The following NLRC5 variants were observed in gnomAD, a reference collection of about 807,000 sequenced individuals.
NLRC5 encodes protein NLRC5.
Under a neutral mutation model 206.9 loss-of-function variants are expected in NLRC5, and 114 were observed. The ratio of observed to expected loss-of-function variants is 0.55; its 90% CI spans 0.47 to 0.64. The LOEUF (loss-of-function observed/expected upper bound fraction) is 0.64, where lower values mean the gene tolerates loss of function less well. Ranked by LOEUF, NLRC5 falls within the 30% of genes least tolerant of loss-of-function variation. The pLI is 0.00. For synonymous variants in NLRC5, 952 were observed against 962.8 expected (o/e 0.99, Z 0.21); for missense variants, 2,008 against 2,305.5 (o/e 0.87, Z 2.64).
chr16:57,037,362 G>A (rs2062731200), intron 15 of NLRC5, 78 bp downstream of exon 15: 2 of 1,369,714 alleles, frequency 1.5e-6, no homozygotes, highest in African/African-American at 2.9e-5. Flanking sequence ...TTCCTTCTGG[G>A]CCCAGGCCTT....
chr16:57,061,875 C>T, intron 32 of NLRC5, 174 bp downstream of exon 32: 1 of 1,535,098 alleles, frequency 6.5e-7, no homozygotes, highest in Non-Finnish European at 8.7e-7. Context: ...CCACAAGGCA[C>T]ACAGAGAAAC....
Position 57,026,605 on chromosome 16 carries a change from A to G in NLRC5, c.1662A>G (p.Arg554=). Residue 554 remains arginine, a synonymous_variant, in exon 6 of 49, where the codon AGA becomes AGG. Transcript: ENST00000688547. ...GCTGGGTACAGCGGACCAAAGCTAG[A>G]CTGGGCCTCTCAGACCACCTCCCCA... The part of the protein sequence containing the change: ...HSRWVQRTKA[R]LGLSDHLPTF... The G allele has an allele frequency of 6.2e-7, 1 of 1,614,176 alleles. No homozygotes were observed. Among genetic ancestry groups the G allele is most frequent in the Middle Eastern group, 1.6e-4 (1 of 6,062 alleles).
intron 1 of NLRC5, among the ~76,000 whole-genome samples, chr16:57,014,284 T>C (rs1350932839): frequency 6.6e-6 from 1 of 152,244 alleles, no homozygotes; most frequent in Non-Finnish European, 1.5e-5. Context: ...TAAATGAGTG[T>C]GAGGCTCACT....
chr16:57,051,895 T>C lies in NLRC5; in HGVS notation c.3506+274T>C, dbSNP rs76295206. On this transcript the variant is annotated intron_variant, in intron 24 of 48. Coordinates refer to ENST00000688547, the MANE Select transcript of NLRC5 (RefSeq NM_001384950.1). ...CGTCTCAGTTTCCTCATCTGACAAATGGGATTAATATTCCCCGCCCATTCC... is the reference window on the plus strand; with the variant it reads ...CGTCTCAGTTTCCTCATCTGACAAACGGGATTAATATTCCCCGCCCATTCC... Among the ~76,000 whole-genome samples the C allele has an allele frequency of 2.7e-3, 414 of 152,242 alleles. 2 individuals are homozygous for C. Among genetic ancestry groups the C allele is most frequent in the Non-Finnish European group, 3.9e-3 (263 of 68,032 alleles).
At position 57,075,344 on chromosome 16, in the gene NLRC5, C is replaced by T. The variant is rs1201353008; in HGVS notation, c.4751+661C>T. The stretch of plus-strand genomic sequence containing the variant: ...AAGCGATTCTCCTGCCTCAGCCTCC[C>T]GAGTAGCCGGGATTATAGGCATGTG... On this transcript the variant is annotated intron_variant, in intron 39 of 48. Coordinates refer to ENST00000688547, the MANE Select transcript of NLRC5 (RefSeq NM_001384950.1). Among the ~76,000 whole-genome samples the T allele has an allele frequency of 2.0e-5, 3 of 152,190 alleles. 1 individual carries two copies. The highest frequency in any genetic ancestry group is 4.1e-4 in the South Asian group (2 of 4,828).
chr16:57,081,438 C>A, intron 47 of NLRC5, 89 bp from the exon 48 acceptor site: 1 of 1,271,888 alleles, frequency 7.9e-7, no homozygotes, highest in Non-Finnish European at 1.1e-6. Context: ...GTCCCCTGAC[C>A]TTGGCCTGAG....
At chr16:57,012,499 G>A (rs1368220535) in intron 1 of NLRC5, among the ~76,000 whole-genome samples, 1 of 152,220 alleles carries the variant, frequency 6.6e-6, no homozygotes, top group African/African-American at 2.4e-5. Flanking sequence ...ACAGCAGGTG[G>A]TGAGCGGCCA....
chr16:57,073,180 T>C (rs2067982658), intron 38 of NLRC5, among the ~76,000 whole-genome samples: 1 of 152,206 alleles, frequency 6.6e-6, no homozygotes, highest in Admixed American at 6.5e-5. Flanking sequence ...GGGGCCTTTT[T>C]CTTCCTCCTG....
chr16:57,076,894 G>A lies in NLRC5; in HGVS notation c.4827G>A (p.Glu1609=), dbSNP rs763428625. 5.0e-6 allele frequency: 8 copies of A among 1,613,830 alleles called. No homozygotes were observed. The highest frequency in any genetic ancestry group is 2.2e-5 in the South Asian group (2 of 91,078). The part of the protein sequence containing the change: ...SEALRAATSL[E]ELDLSHNQIG... Reference sequence around the variant, plus strand: ...CTCTCAGGGCTGCCACCAGCCTAGAGGAGCTGGAGTGAGTTGCCCATTCTG... The same window carrying A: ...CTCTCAGGGCTGCCACCAGCCTAGAAGAGCTGGAGTGAGTTGCCCATTCTG... The change falls in exon 40 of 49, where the codon GAG becomes GAA. Residue 1609 remains glutamate, a synonymous_variant. Coordinates refer to ENST00000688547, the MANE Select transcript of NLRC5 (RefSeq NM_001384950.1).
rs776987424 is a variant in NLRC5 at position 57,077,934 on chromosome 16, C to T, written c.5004-9C>T. On this transcript the variant is annotated splice_polypyrimidine_tract_variant and intron_variant, in intron 42 of 48. Coordinates refer to ENST00000688547, the MANE Select transcript of NLRC5 (RefSeq NM_001384950.1). ...CCAGTACTCAATGCTCATTCCTCTC[C>T]TCTTCCAGGCTTGGCTGCAATGCCC... is the stretch of plus-strand genomic sequence containing the variant. 2.5e-6 allele frequency: 4 copies of T among 1,613,268 alleles called. No homozygotes were observed. The highest frequency in any genetic ancestry group is 2.2e-5 in the East Asian group (1 of 44,864).
At chr16:57,053,761 T>C (rs1028212940) in intron 24 of NLRC5, among the ~76,000 whole-genome samples, 2 of 152,114 alleles carry the variant, frequency 1.3e-5, no homozygotes, top group Non-Finnish European at 2.9e-5. Flanking sequence ...ACTCCCGACC[T>C]CAAGTGATCC....
At chr16:57,051,713 CA>C (rs1361400629) in intron 24 of NLRC5, 92 bp downstream of exon 24, 6 of 968,856 alleles carry the variant, frequency 6.2e-6, no homozygotes, top group Non-Finnish European at 1.0e-5. Context: ...TCTAACCCCT[CA>C]ACCCCCCGCC....
intron 4 of NLRC5, 102 bp from the exon 5 acceptor site, chr16:57,023,683 C>A: frequency 1.1e-6 from 1 of 940,820 alleles, no homozygotes; most frequent in East Asian, 2.7e-5. Flanking sequence ...TACTTGGCTG[C>A]CTGCCACCTG....
At chr16:57,007,240 C>G (rs2059015737) in intron 1 of NLRC5, among the ~76,000 whole-genome samples, 1 of 152,184 alleles carries the variant, frequency 6.6e-6, no homozygotes, top group South Asian at 2.1e-4. Flanking sequence ...AATACACACA[C>G]ATTTAAAATA....
At chr16:57,059,376 C>T (rs1043444159) in intron 29 of NLRC5, 91 bp from the exon 30 acceptor site, 18 of 1,532,234 alleles carry the variant, frequency 1.2e-5, no homozygotes, top group African/African-American at 6.9e-5. Context: ...GGTGCAGCCC[C>T]GCTTCCCTCT....
chr16:57,039,749 C>G (rs1185418255), intron 15 of NLRC5, 32 bp from the exon 16 acceptor site: 1 of 1,599,078 alleles, frequency 6.3e-7, no homozygotes, highest in Admixed American at 1.7e-5. Context: ...CCAATAACCT[C>G]TCGCTTCCTC....
rs779353166 is a variant in NLRC5 at position 57,077,322 on chromosome 16, C to T, written c.4862C>T (p.Ala1621Val). ...TTGAGCCACAACCAGATTGGAGACG[C>T]TGGTGTCCAGCACTTAGCTACCATC... ...LDLSHNQIGD[A>V]GVQHLATILP... The change falls in exon 41 of 49, where the codon GCT becomes GTT. Residue 1621 changes from alanine to valine, a missense_variant. Transcript: ENST00000688547. The T allele has an allele frequency of 1.1e-5, 18 of 1,613,970 alleles. No homozygotes were observed. The highest frequency in any genetic ancestry group is 8.5e-7 in the Non-Finnish European group (1 of 1,179,986).
At chr16:57,054,193 G>A (rs1391769466) in intron 24 of NLRC5, among the ~76,000 whole-genome samples, 1 of 152,104 alleles carries the variant, frequency 6.6e-6, no homozygotes, top group Non-Finnish European at 1.5e-5. Context: ...CGGGTGAGGG[G>A]TGCTGCTACT....
rs1206814622 is a variant in NLRC5, at chr16:57,036,116, C to T, written c.2644C>T (p.Leu882=). The T allele has an allele frequency of 1.2e-6, 2 of 1,613,688 alleles. No individual in the cohort carries two copies. The highest frequency in any genetic ancestry group is 2.2e-5 in the South Asian group (2 of 91,082). ...LEEVDLSGNQ[L]EDEGCRLMAE... is the part of the protein sequence containing the mutation. ...CCGTCTCAGCCTCTCAGGGAACCAG[C>T]TGGAAGATGAAGGCTGTCGGCTGAT... Residue 882 remains leucine, a synonymous_variant, in exon 14 of 49, where the codon CTG becomes TTG. Coordinates refer to ENST00000688547, the MANE Select transcript of NLRC5 (RefSeq NM_001384950.1).
Sources: gnomAD v4.1 joint callset for allele counts (sites outside exome capture counted in the v4.1 genomes callset) on GRCh38, gnomAD v4.1.1 for gene constraint, MANE v1.5 for transcripts, NCBI Gene and HGNC (gene_info 2026-07-23, HGNC 2026-07-21) for gene names.